DECR1: variants seen among roughly 807,000 people sequenced by gnomAD.
The protein encoded by DECR1 is 2,4-dienoyl-CoA reductase [(3E)-enoyl-CoA-producing], mitochondrial.
In DECR1, 44 loss-of-function variants were observed where a neutral mutation model predicts 38.8. That is an observed-to-expected ratio of 1.13 (90% CI 0.89 to 1.46). The LOEUF (loss-of-function observed/expected upper bound fraction) is 1.46, where lower values mean the gene tolerates loss of function less well. Ranked by LOEUF, DECR1 falls within the 40% of genes most tolerant of loss-of-function variation. The pLI, the probability that DECR1 is intolerant of heterozygous loss-of-function variation, is 0.00. For synonymous variants in DECR1, 148 were observed against 135.2 expected (o/e 1.09, Z -0.66); for missense variants, 428 against 405.5 (o/e 1.06, Z -0.48).
At chr8:90,010,303 G>C (rs1812850172) in intron 1 of DECR1, among the ~76,000 whole-genome samples, 1 of 152,194 alleles carries the variant, frequency 6.6e-6, no homozygotes, top group Non-Finnish European at 1.5e-5. Context: ...TGGCATTTGG[G>C]GTGAGACAGT....
intron 5 of DECR1, among the ~76,000 whole-genome samples, chr8:90,035,381 GTT>G (rs900367489): frequency 6.8e-6 from 1 of 148,028 alleles, no homozygotes; most frequent in Non-Finnish European, 1.5e-5. Flanking sequence ...TTTTTCCTCA[GTT>G]TTTTTTTTCC....
intron 5 of DECR1, among the ~76,000 whole-genome samples, chr8:90,025,520 G>T (rs1260599464): frequency 6.6e-6 from 1 of 152,150 alleles, no homozygotes; most frequent in Non-Finnish European, 1.5e-5. Context: ...TTGGCTTTCT[G>T]TTTGTCTGTT....
At chr8:90,032,257 C>A (rs1813514905) in intron 5 of DECR1, among the ~76,000 whole-genome samples, 1 of 152,060 alleles carries the variant, frequency 6.6e-6, no homozygotes, top group Non-Finnish European at 1.5e-5. Context: ...TAGGGCCACC[C>A]TATCTCCTAG....
chr8:90,003,758 G>A (rs1812674847), intron 1 of DECR1, among the ~76,000 whole-genome samples: 1 of 152,056 alleles, frequency 6.6e-6, no homozygotes, highest in Admixed American at 6.5e-5. Context: ...TGGCCAACAT[G>A]GTGAAACCCT....
chr8:90,029,057 TG>T (rs573617641), intron 5 of DECR1, among the ~76,000 whole-genome samples: 131 of 152,124 alleles, frequency 8.6e-4, no homozygotes, highest in African/African-American at 3.1e-3. Flanking sequence ...AATTAGTTGT[TG>T]TAAGTGGTCT....
intron 5 of DECR1, among the ~76,000 whole-genome samples, chr8:90,033,909 C>G (rs766788381): frequency 4.6e-5 from 7 of 151,968 alleles, no homozygotes; most frequent in Non-Finnish European, 8.8e-5. Flanking sequence ...TGTAATTTTG[C>G]TATAAGAATG....
chr8:90,016,554 G>A (rs1038609073), intron 1 of DECR1, among the ~76,000 whole-genome samples: 2 of 151,950 alleles, frequency 1.3e-5, no homozygotes, highest in Non-Finnish European at 2.9e-5. Flanking sequence ...CAGGAGAATC[G>A]CTTGAACCTG....
intron 8 of DECR1, 110 bp downstream of exon 8, chr8:90,045,105 A>G (rs1260694531): frequency 3.1e-6 from 3 of 952,974 alleles, no homozygotes; most frequent in Non-Finnish European, 4.9e-6. Context: ...CATTTAAAAT[A>G]TGTATTTAGT....
At position 90,036,934 on chromosome 8, in the gene DECR1, T is replaced by C; in HGVS notation, c.659T>C (p.Met220Thr). The C allele has an allele frequency of 6.2e-7, 1 of 1,611,618 alleles. No homozygotes were observed. Among genetic ancestry groups the C allele is most frequent in the South Asian group, 1.1e-5 (1 of 90,976 alleles). The change falls in exon 6 of 10, where the codon ATG becomes ACG. Residue 220 changes from methionine (M) to threonine (T), a missense_variant. Met to Thr is a moderately conservative substitution (Grantham distance 81, BLOSUM62 -1). Coordinates refer to ENST00000220764, the MANE Select transcript of DECR1 (RefSeq NM_001359.2). ...SASAKAGVEAMSKSLAAEWGK... is the reference protein window; with the variant it reads ...SASAKAGVEATSKSLAAEWGK... ...TCTGCCAAAGCAGGTGTGGAAGCCA[T>C]GAGCAAGTAAGTACTTCCTTGTCAA...
At chr8:90,008,956 T>C (rs541432021) in intron 1 of DECR1, among the ~76,000 whole-genome samples, 1 of 152,180 alleles carries the variant, frequency 6.6e-6, no homozygotes, top group Non-Finnish European at 1.5e-5. Flanking sequence ...TATACAAGTG[T>C]CCTAATAGTT....
chr8:90,025,347 T>C (rs961419475), intron 5 of DECR1, among the ~76,000 whole-genome samples: 2 of 152,290 alleles, frequency 1.3e-5, no homozygotes, highest in South Asian at 4.1e-4. Flanking sequence ...ATTCTTCCTA[T>C]CCATGAGCAT....
At chr8:90,012,127 A>G (rs954815905) in intron 1 of DECR1, among the ~76,000 whole-genome samples, 6 of 151,286 alleles carry the variant, frequency 4.0e-5, no homozygotes, top group Non-Finnish European at 1.5e-5. Flanking sequence ...CAGTACTTGT[A>G]TAGATTGATT....
chr8:90,009,685 G>A (rs1586135510), intron 1 of DECR1, among the ~76,000 whole-genome samples: 1 of 152,134 alleles, frequency 6.6e-6, no homozygotes, highest in East Asian at 1.9e-4. Context: ...CAAGAGCAGA[G>A]ATTCTAATTT....
chr8:90,046,034 G>A (rs916647144), intron 8 of DECR1, among the ~76,000 whole-genome samples: 1 of 152,204 alleles, frequency 6.6e-6, no homozygotes, highest in African/African-American at 2.4e-5. Flanking sequence ...CCGTTTGTAT[G>A]TCACCATCAC....
In DECR1 at chr8:90,009,293, C is replaced by T. The variant is rs552300508; in HGVS notation, c.69+7732C>T. Among the ~76,000 whole-genome samples the T allele has an allele frequency of 4.6e-5, 7 of 152,284 alleles. No homozygotes were observed. In the South Asian group the frequency reaches 1.4e-3, roughly 32 times the overall value. ...TTTGCCTAAAACCCTGTGATTCATT[C>T]TTCTCCTTCACGTCTTTGCTCCAAT... On this transcript the variant is annotated intron_variant, in intron 1 of 9. Transcript: ENST00000220764.
At chr8:90,021,084 A>C in intron 5 of DECR1, 28 bp downstream of exon 5, 1 of 1,539,112 alleles carries the variant, frequency 6.5e-7, no homozygotes, top group Non-Finnish European at 8.7e-7. Context: ...TCTCATATTT[A>C]TTTGGCTTCT....
intron 5 of DECR1, among the ~76,000 whole-genome samples, chr8:90,025,966 T>C (rs1489618676): frequency 6.6e-6 from 1 of 152,234 alleles, no homozygotes; most frequent in East Asian, 1.9e-4. Flanking sequence ...CTTTTCTGCA[T>C]CTATTGAGAT....
intron 1 of DECR1, chr8:90,015,631 G>A (rs1179669239): frequency 4.4e-6 from 2 of 456,480 alleles, no homozygotes; most frequent in Admixed American, 4.7e-5. Context: ...ACTGATGACA[G>A]CCTATTTAGC....
chr8:90,027,463 T>C (rs1340808956), intron 5 of DECR1, among the ~76,000 whole-genome samples: 1 of 152,194 alleles, frequency 6.6e-6, no homozygotes. Context: ...ATTGATCCCT[T>C]TATCATTATA....
Sources: allele counts gnomAD v4.1 joint callset (sites outside exome capture counted in the v4.1 genomes callset), GRCh38; gene constraint gnomAD v4.1.1; transcripts MANE v1.5; gene names NCBI Gene and HGNC (gene_info 2026-07-23, HGNC 2026-07-21).